FAF1: variants seen among roughly 807,000 people sequenced by gnomAD.
FAF1 encodes Fas associated factor 1.
FAF1 carries 25 observed loss-of-function variants against 92.5 expected under a neutral mutation model. The observed-to-expected ratio is 0.27, with a 90% CI of 0.20 to 0.38. FAF1 has a LOEUF of 0.38. Among genes scored for constraint, FAF1 ranks in the 10% least tolerant of loss-of-function variants. FAF1 has a pLI of 1.00. For synonymous variants in FAF1, 234 were observed against 273.2 expected (o/e 0.86, Z 1.42); for missense variants, 636 against 793.3 (o/e 0.80, Z 2.38).
chr1:50,846,443 G>A (rs1461753727), intron 2 of FAF1: 7 of 430,152 alleles, frequency 1.6e-5, no homozygotes, highest in East Asian at 1.3e-4. Context: ...GCTCGCTTCC[G>A]AGCCGCACGC....
intron 18 of FAF1, chr1:50,452,142 T>C (rs746256801): frequency 7.4e-7 from 1 of 1,349,914 alleles, no homozygotes; most frequent in South Asian, 1.1e-5. Flanking sequence ...ATAAAATGAA[T>C]ATACAAAGAA....
At chr1:50,512,255 T>C (rs1647146030) in intron 15 of FAF1, among the ~76,000 whole-genome samples, 1 of 152,218 alleles carries the variant, frequency 6.6e-6, no homozygotes, top group Non-Finnish European at 1.5e-5. Flanking sequence ...TAGATCCCAT[T>C]TGTCAGTTTT....
At chr1:50,501,861 C>G (rs972709718) in intron 15 of FAF1, among the ~76,000 whole-genome samples, 1 of 151,996 alleles carries the variant, frequency 6.6e-6, no homozygotes, top group Non-Finnish European at 1.5e-5. Flanking sequence ...AGTAGTTACC[C>G]AAGACAAATG....
chr1:50,895,577 TAACA>T lies in FAF1; in HGVS notation c.46-37584_46-37581del, dbSNP rs145937888. 6.5e-3 allele frequency among the ~76,000 whole-genome samples: 984 copies of T among 151,672 alleles called. 19 individuals are homozygous for T. Among genetic ancestry groups the T allele is most frequent in the African/African-American group, 0.022 (920 of 41,328 alleles). On this transcript the variant is annotated intron_variant, in intron 1 of 18. Transcript: ENST00000396153. ...AGACACATCAAAAAACAAAAACAAA[TAACA>T]AACAAACAAACAAAAAACTACAGGC...
intron 4 of FAF1, among the ~76,000 whole-genome samples, chr1:50,755,089 T>C (rs987021063): frequency 1.3e-5 from 2 of 152,150 alleles, no homozygotes; most frequent in African/African-American, 4.8e-5. Context: ...CAACCAATCA[T>C]GCCTTCCCAA....
intron 7 of FAF1, among the ~76,000 whole-genome samples, chr1:50,687,851 A>C (rs899926175): frequency 6.6e-6 from 1 of 152,140 alleles, no homozygotes. Context: ...CTATTCTAAA[A>C]AATGAAACAC....
chr1:50,708,658 C>T (rs11205760), intron 6 of FAF1, among the ~76,000 whole-genome samples: 44,827 of 151,716 alleles, frequency 0.3, 8,945 homozygotes, highest in East Asian at 0.76. Context: ...AAATAAGTGA[C>T]ACAGACAAAA....
chr1:50,659,727 T>C (rs557682570), intron 7 of FAF1, among the ~76,000 whole-genome samples: 14 of 152,210 alleles, frequency 9.2e-5, no homozygotes, highest in Non-Finnish European at 2.1e-4. Context: ...AACATTAAAC[T>C]TACATTACAA....
At chr1:50,672,571 C>T (rs368007138) in intron 7 of FAF1, among the ~76,000 whole-genome samples, 5 of 152,152 alleles carry the variant, frequency 3.3e-5, no homozygotes, top group East Asian at 3.9e-4. Flanking sequence ...GCGTGAGCCA[C>T]GGCGCCTGGC....
chr1:50,534,403 C>T (rs1277217561), intron 15 of FAF1, among the ~76,000 whole-genome samples: 1 of 152,172 alleles, frequency 6.6e-6, no homozygotes, highest in Non-Finnish European at 1.5e-5. Flanking sequence ...GCCTCTCAGC[C>T]TCCCGAGTAG....
intron 2 of FAF1, among the ~76,000 whole-genome samples, chr1:50,845,156 T>C (rs985292718): frequency 2.0e-5 from 3 of 152,158 alleles, no homozygotes; most frequent in Admixed American, 1.3e-4. Flanking sequence ...GATATCTCTC[T>C]CCTTTAAAGT....
chr1:50,650,562 G>A (rs1654818022), intron 8 of FAF1, among the ~76,000 whole-genome samples: 1 of 152,110 alleles, frequency 6.6e-6, no homozygotes, highest in African/African-American at 2.4e-5. Flanking sequence ...AGAGGTTGCA[G>A]TCAGCTGAGA....
chr1:50,500,080 T>A (rs1348000836), intron 15 of FAF1, among the ~76,000 whole-genome samples: 5 of 152,180 alleles, frequency 3.3e-5, no homozygotes, highest in Non-Finnish European at 5.9e-5. Flanking sequence ...TATTTTTATG[T>A]CAGTTCTCTC....
At chr1:50,641,908 T>C (rs1654348388) in intron 8 of FAF1, among the ~76,000 whole-genome samples, 1 of 152,034 alleles carries the variant, frequency 6.6e-6, no homozygotes, top group South Asian at 2.1e-4. Context: ...GTCCTGATAA[T>C]ATTCCTTGTT....
chr1:50,847,951 G>T (rs1009069007), intron 2 of FAF1, among the ~76,000 whole-genome samples: 19 of 151,016 alleles, frequency 1.3e-4, no homozygotes, highest in Admixed American at 5.9e-4. Flanking sequence ...CAAACACAAA[G>T]AAACATCTTA....
chr1:50,822,517 C>A (rs1349045472), intron 2 of FAF1, among the ~76,000 whole-genome samples: 1 of 152,190 alleles, frequency 6.6e-6, no homozygotes, highest in Non-Finnish European at 1.5e-5. Flanking sequence ...TTCTCCTTCA[C>A]AGGTCTTTGC....
intron 4 of FAF1, among the ~76,000 whole-genome samples, chr1:50,777,373 T>C (rs993011219): frequency 1.3e-5 from 2 of 152,098 alleles, no homozygotes; most frequent in East Asian, 1.9e-4. Flanking sequence ...CAGTGAGCTA[T>C]GGTCATATCA....
intron 4 of FAF1, 62 bp downstream of exon 4, chr1:50,787,938 T>A: frequency 6.9e-7 from 1 of 1,443,676 alleles, no homozygotes; most frequent in Non-Finnish European, 9.7e-7. Flanking sequence ...ATAAAAAAAA[T>A]ATAACCTGAA....
At chr1:50,716,603 T>G (rs1406446244) in intron 6 of FAF1, among the ~76,000 whole-genome samples, 1 of 152,080 alleles carries the variant, frequency 6.6e-6, no homozygotes, top group Non-Finnish European at 1.5e-5. Flanking sequence ...CAGAGCTCTG[T>G]GTCTAGCTAA....
Sources: gnomAD v4.1 joint callset for allele counts (sites outside exome capture counted in the v4.1 genomes callset) on GRCh38, gnomAD v4.1.1 for gene constraint, MANE v1.5 for transcripts, NCBI Gene and HGNC (gene_info 2026-07-23, HGNC 2026-07-21) for gene names.